The following PCBD2 variants were observed in gnomAD, a reference collection of about 807,000 sequenced individuals.
PCBD2 encodes the protein pterin-4 alpha-carbinolamine dehydratase 2.
Under a neutral mutation model 16.4 loss-of-function variants are expected in PCBD2, and 12 were observed. That is an observed-to-expected ratio of 0.73 (90% CI 0.47 to 1.19). The LOEUF is 1.19. Ranked by LOEUF, PCBD2 falls within the 50% of genes most tolerant of loss-of-function variation. The pLI is 0.00. For missense variants in PCBD2, 138 were observed against 156.8 expected, an observed-to-expected ratio of 0.88 and a Z score of 0.64; for synonymous variants, 58 against 61.8, an observed-to-expected ratio of 0.94 and a Z score of 0.29.
chr5:134,930,626 GTC>G (rs1330738649), intron 2 of PCBD2, among the ~76,000 whole-genome samples: 1 of 152,160 alleles, frequency 6.6e-6, no homozygotes, highest in African/African-American at 2.4e-5. Context: ...TGCTCATGGT[GTC>G]TCTAGTCAGT....
intron 2 of PCBD2, among the ~76,000 whole-genome samples, chr5:134,919,571 G>T (rs143182371): frequency 1.3e-5 from 2 of 152,248 alleles, no homozygotes; most frequent in East Asian, 3.9e-4. Context: ...GATTAACTTG[G>T]TATAAAGTGG....
At chr5:134,923,109 A>G (rs951039013) in intron 2 of PCBD2, among the ~76,000 whole-genome samples, 6 of 152,312 alleles carry the variant, frequency 3.9e-5, no homozygotes, top group Admixed American at 1.3e-4. Context: ...CCCAAATTTT[A>G]CAGAGGAGGA....
At chr5:134,928,199 A>G (rs968743583) in intron 2 of PCBD2, 2 of 389,780 alleles carry the variant, frequency 5.1e-6, no homozygotes, top group African/African-American at 2.1e-5. Flanking sequence ...GAGAGTGGCT[A>G]TAATGAATAG....
intron 2 of PCBD2, among the ~76,000 whole-genome samples, chr5:134,958,115 G>A (rs1418197361): frequency 6.6e-6 from 1 of 152,230 alleles, no homozygotes; most frequent in African/African-American, 2.4e-5. Flanking sequence ...CCCTGTGAAT[G>A]CCACTCTAAC....
intron 2 of PCBD2, among the ~76,000 whole-genome samples, chr5:134,935,397 C>T (rs1378855077): frequency 6.6e-6 from 1 of 152,160 alleles, no homozygotes; most frequent in East Asian, 1.9e-4. Flanking sequence ...TCCTTTATTC[C>T]CCATTATCCT....
intron 1 of PCBD2, among the ~76,000 whole-genome samples, chr5:134,907,811 A>G (rs1260858841): frequency 6.9e-6 from 1 of 145,120 alleles, no homozygotes; most frequent in Admixed American, 6.9e-5. Flanking sequence ...TTTAGTAGAG[A>G]TGGGGTTTCA....
intron 2 of PCBD2, among the ~76,000 whole-genome samples, chr5:134,937,413 G>T (rs886489866): frequency 2.0e-5 from 3 of 152,134 alleles, no homozygotes; most frequent in Admixed American, 6.5e-5. Context: ...CTGAGACTAG[G>T]TTATAAATCT....
At position 134,954,225 on chromosome 5, in the gene PCBD2, C is replaced by G. The variant is rs183258491; in HGVS notation, c.217-4815C>G. Among the ~76,000 whole-genome samples the G allele has an allele frequency of 3.1e-3, 475 of 152,282 alleles. 1 individual carries two copies. The highest frequency in any genetic ancestry group is 4.7e-3 in the Non-Finnish European group (319 of 68,018). The stretch of plus-strand genomic sequence containing the variant: ...GTTCTTCAACCTTGGATTCCCAAAG[C>G]GCTGGGATTACAGGCATGAACCATT... On this transcript the variant is annotated intron_variant, in intron 2 of 3. Transcript: ENST00000254908.
In PCBD2 at chr5:134,962,453, A is replaced by G. The variant is rs912648292; in HGVS notation, c.*1772A>G. Among the ~76,000 whole-genome samples, 5 of 152,006 alleles carry G rather than the reference A, an allele frequency of 3.3e-5. No homozygotes were observed. The highest frequency in any genetic ancestry group is 4.8e-5 in the African/African-American group (2 of 41,480). On this transcript the variant is annotated 3_prime_UTR_variant, in exon 4 of 4. Coordinates refer to ENST00000254908, the MANE Select transcript of PCBD2 (RefSeq NM_032151.5). ...TAATTATACAAGATGGAGTCTCACT[A>G]TGTTGCCCAGGCTGGTCTTGAATGC...
In PCBD2 at chr5:134,916,695, T is replaced by C. The variant is rs565198843; in HGVS notation, c.216+6229T>C. On this transcript the variant is annotated intron_variant, in intron 2 of 3. Coordinates refer to ENST00000254908, the MANE Select transcript of PCBD2 (RefSeq NM_032151.5). Reference sequence around the variant, plus strand: ...AAATAATCCAAATTCATTGGATAGCTCAGATGGATACAAATACTTGGAGAT... The same window carrying C: ...AAATAATCCAAATTCATTGGATAGCCCAGATGGATACAAATACTTGGAGAT... Among the ~76,000 whole-genome samples the C allele has an allele frequency of 3.9e-5, 6 of 152,364 alleles. No homozygotes were observed. The East Asian group carries it at 1.2e-3, about 29-fold the overall frequency.
chr5:134,945,579 C>T (rs1751282844), intron 2 of PCBD2, among the ~76,000 whole-genome samples: 1 of 152,066 alleles, frequency 6.6e-6, no homozygotes, highest in Non-Finnish European at 1.5e-5. Flanking sequence ...TGTTTTCTCT[C>T]TTCATTGCTA....
rs879054692 is a variant in PCBD2 at position 134,960,714 on chromosome 5, C to T, written c.*33C>T. The T allele has an allele frequency of 4.7e-6, 7 of 1,484,374 alleles. No individual in the cohort carries two copies. The East Asian group carries it at 1.4e-4, about 29-fold the overall frequency. The allele number at this position is 1,484,374 out of a possible 1,614,324, so 92.0% of individuals were successfully genotyped here. A position where few individuals can be genotyped will look rare whatever the true frequency, so the allele number is the denominator to read the frequency against. ...CAAAATACATGTAAAATCTTGTACA[C>T]ATCTTAGCTGCAATGTATGTTGAAG... On this transcript the variant is annotated 3_prime_UTR_variant, in exon 4 of 4. Transcript: ENST00000254908.
intron 2 of PCBD2, among the ~76,000 whole-genome samples, chr5:134,941,279 T>C (rs1751224396): frequency 6.6e-6 from 1 of 152,196 alleles, no homozygotes; most frequent in South Asian, 2.1e-4. Context: ...TTAATTGTCA[T>C]TGTTTTGGCA....
intron 2 of PCBD2, chr5:134,926,396 T>C (rs1750997230): frequency 2.6e-6 from 1 of 386,302 alleles, no homozygotes; most frequent in African/African-American, 2.1e-5. Context: ...TTAATGAGGG[T>C]GGTAAGGATA....
intron 2 of PCBD2, chr5:134,926,195 ATAT>A (rs1431565631): frequency 3.1e-6 from 1 of 318,812 alleles, no homozygotes; most frequent in Non-Finnish European, 5.7e-6. Context: ...ACAGGGATAA[ATAT>A]TATGGAGAAA....
intron 2 of PCBD2, among the ~76,000 whole-genome samples, chr5:134,951,982 C>T (rs1216932140): frequency 6.6e-6 from 1 of 151,840 alleles, no homozygotes; most frequent in African/African-American, 2.4e-5. Flanking sequence ...AAAAATTTTT[C>T]GTGTAGTAAG....
chr5:134,932,863 T>C (rs998406289), intron 2 of PCBD2, among the ~76,000 whole-genome samples: 1 of 152,306 alleles, frequency 6.6e-6, no homozygotes, highest in East Asian at 1.9e-4. Context: ...TGTTTAAAAC[T>C]GTGAGCTTTA....
intron 2 of PCBD2, among the ~76,000 whole-genome samples, chr5:134,932,395 G>A (rs906683302): frequency 6.6e-6 from 1 of 151,856 alleles, no homozygotes; most frequent in Non-Finnish European, 1.5e-5. Context: ...AGGCTGGAAT[G>A]CAGTGGTGCG....
chr5:134,957,454 A>C (rs1751426771), intron 2 of PCBD2, among the ~76,000 whole-genome samples: 1 of 152,186 alleles, frequency 6.6e-6, no homozygotes, highest in Admixed American at 6.5e-5. Flanking sequence ...GCAGAGTAGA[A>C]ATTCTCCTTA....
Sources: allele counts gnomAD v4.1 joint callset (sites outside exome capture counted in the v4.1 genomes callset), GRCh38; gene constraint gnomAD v4.1.1; transcripts MANE v1.5; gene names NCBI Gene and HGNC (gene_info 2026-07-23, HGNC 2026-07-21).